Variants in ZNF839 observed in about 807,000 individuals in gnomAD.
ZNF839 encodes the protein renal carcinoma antigen NY-REN-50.
In ZNF839, 38 loss-of-function variants were observed where a neutral mutation model predicts 56.4. That is an observed-to-expected ratio of 0.67 (90% CI 0.52 to 0.88). The LOEUF (loss-of-function observed/expected upper bound fraction) is 0.88, where lower values mean the gene tolerates loss of function less well. Among genes scored for constraint, ZNF839 ranks in the 40% least tolerant of loss-of-function variants. The pLI, the probability that ZNF839 is intolerant of heterozygous loss-of-function variation, is 0.00. For missense variants in ZNF839, 1,091 were observed against 1,177.6 expected (o/e 0.93, Z 1.08); for synonymous variants, 486 against 493.5 (o/e 0.98, Z 0.20).
intron 5 of ZNF839, among the ~76,000 whole-genome samples, chr14:102,336,255 A>C (rs1271013735): frequency 6.7e-6 from 1 of 150,074 alleles, no homozygotes; most frequent in African/African-American, 2.4e-5. Flanking sequence ...TTCCTGTTCG[A>C]CCTCATTTTA....
chr14:102,333,103 G>T (rs2073861060), intron 3 of ZNF839, among the ~76,000 whole-genome samples: 1 of 152,076 alleles, frequency 6.6e-6, no homozygotes, highest in African/African-American at 2.4e-5. Flanking sequence ...TCTTTCAAAA[G>T]ATTTTTGAAA....
chr14:102,334,434 C>A (rs1481556860), intron 3 of ZNF839, 120 bp from the exon 4 acceptor site: 1 of 686,372 alleles, frequency 1.5e-6, no homozygotes, highest in Admixed American at 2.2e-5. Flanking sequence ...TTTAGAGTTA[C>A]TTGGTCACTG....
upstream of ZNF839, among the ~76,000 whole-genome samples, chr14:102,318,067 T>C (rs2072949215): frequency 6.6e-6 from 1 of 152,050 alleles, no homozygotes; most frequent in Admixed American, 6.6e-5. Flanking sequence ...GTGCCCAGGG[T>C]GTAGTAAAAG....
chr14:102,339,100 G>A lies in ZNF839; in HGVS notation c.1804G>A (p.Glu602Lys). The A allele has an allele frequency of 6.2e-7, 1 of 1,613,868 alleles. No homozygotes were observed. The highest frequency in any genetic ancestry group is 1.1e-5 in the South Asian group (1 of 91,050). ...TTGGGTCTTCTCTTCACAGGCTGCG[G>A]AGGAGGGACTGGCCTCAGTGAAAAG... ...SSEKREREAA[E>K]EGLASVKRPR... is the part of the protein sequence containing the mutation. Residue 602 changes from glutamate (E) to lysine (K), a missense_variant, in exon 7 of 8, where the codon GAG becomes AAG. Around this residue, in one of 3 missense-constraint regions of ZNF839, gnomAD observed 431 missense variants for 468.0 expected, o/e 0.92. Coordinates refer to ENST00000442396, the MANE Select transcript of ZNF839 (RefSeq NM_018335.6).
At position 102,341,925 on chromosome 14, in the gene ZNF839, T is replaced by C; in HGVS notation, c.2530T>C (p.Leu844=). ...GTGTCTCAGAAGCCTTTCGGGGGACTTGAACCGGTTCCCCTGTGGGATGGA... is the reference window on the plus strand; with the variant it reads ...GTGTCTCAGAAGCCTTTCGGGGGACCTGAACCGGTTCCCCTGTGGGATGGA... ...EGCLRSLSGD[L]NRFPCGMEVH... The change falls in exon 8 of 8, where the codon TTG becomes CTG. Residue 844 remains leucine, a synonymous_variant. Transcript: ENST00000442396. The C allele has an allele frequency of 1.2e-6, 2 of 1,614,030 alleles. No individual in the cohort carries two copies. The highest frequency in any genetic ancestry group is 1.7e-6 in the Non-Finnish European group (2 of 1,179,892).
At position 102,326,279 on chromosome 14, in the gene ZNF839, G is replaced by A. The variant is rs759707008; in HGVS notation, c.583G>A (p.Ala195Thr). 6.2e-7 allele frequency: 1 copy of A among 1,613,642 alleles called. No homozygotes were observed. The highest frequency in any genetic ancestry group is 2.2e-5 in the East Asian group (1 of 44,882). The change falls in exon 2 of 8, where the codon GCC (alanine) becomes ACC (threonine). Residue 195 changes from alanine (A) to threonine (T), a missense_variant. Around this residue, in one of 3 missense-constraint regions of ZNF839, gnomAD observed 614 missense variants for 629.2 expected, o/e 0.98. Coordinates refer to ENST00000442396, the MANE Select transcript of ZNF839 (RefSeq NM_018335.6). This position sits in a 1 kb window ranked among gnomAD's most constrained non-coding sequence, Gnocchi z 4.3. ...GGTGGTCCCTGCAAAGAGAGTCCCA[G>A]CCCCCAAGGCTCCAGATGAACAGGG... is the stretch of plus-strand genomic sequence containing the variant. The part of the protein sequence containing the change: ...LQVVPAKRVP[A>T]PKAPDEQGSM...
At chr14:102,321,578 G>A (rs2073130968) in intron 1 of ZNF839, among the ~76,000 whole-genome samples, 1 of 152,076 alleles carries the variant, frequency 6.6e-6, no homozygotes, top group African/African-American at 2.4e-5. Context: ...TACTCTTTCA[G>A]CCCCAGCTGT....
intron 7 of ZNF839, 153 bp downstream of exon 7, chr14:102,339,376 C>A: frequency 8.9e-7 from 1 of 1,119,604 alleles, no homozygotes; most frequent in Non-Finnish European, 1.2e-6. Context: ...TCCAGCCTCC[C>A]AGTGTTCTGT....
Position 102,341,684 on chromosome 14 carries a change from G to C in ZNF839, c.2289G>C (p.Gly763=), listed in dbSNP as rs1316968071. ...GGGAESLPPG[G]PGHAEAGHLG... ...GAGCAGAGTCCCTGCCGCCTGGGGG[G>C]CCTGGACATGCAGAGGCAGGACACC... The change falls in exon 8 of 8, where the codon GGG becomes GGC. Residue 763 remains glycine, a synonymous_variant. Coordinates refer to ENST00000442396, the MANE Select transcript of ZNF839 (RefSeq NM_018335.6). 1.2e-6 allele frequency: 2 copies of C among 1,613,974 alleles called. No homozygotes were observed. The highest frequency in any genetic ancestry group is 1.3e-5 in the African/African-American group (1 of 75,040).
rs773919810 is a variant in ZNF839 at position 102,326,831 on chromosome 14, T to C, written c.1135T>C (p.Cys379Arg). Residue 379 changes from cysteine (C) to arginine (R), a missense_variant, in exon 2 of 8, where the codon TGT (cysteine) becomes CGT (arginine). Cys to Arg is a radical substitution (Grantham distance 180, BLOSUM62 -3). Around this residue, in one of 3 missense-constraint regions of ZNF839, gnomAD observed 614 missense variants for 629.2 expected, o/e 0.98. Coordinates refer to ENST00000442396, the MANE Select transcript of ZNF839 (RefSeq NM_018335.6). This position sits in a 1 kb window ranked among gnomAD's most constrained non-coding sequence, Gnocchi z 4.3. ...GGGGCTGTCCATGCCAGCGGATCCA[T>C]GTGAGGGAGGGGCCCGCTCCTGCTT... ...SLGLSMPADP[C>R]EGGARSCLVT... 1 of 1,610,760 alleles carries C rather than the reference T, an allele frequency of 6.2e-7. No individual in the cohort carries two copies. The highest frequency in any genetic ancestry group is 1.1e-5 in the South Asian group (1 of 90,506).
chr14:102,341,305 G>A lies in ZNF839; in HGVS notation c.1928-18G>A. On this transcript the variant is annotated intron_variant, in intron 7 of 7. Coordinates refer to ENST00000442396, the MANE Select transcript of ZNF839 (RefSeq NM_018335.6). ...GACACAGTACACGCCATGTTCACCT[G>A]TTTCCCAAAATGTTTAGGTTTTTCC... The A allele has an allele frequency of 6.6e-7, 1 of 1,514,826 alleles. No individual in the cohort carries two copies. Among genetic ancestry groups the A allele is most frequent in the Non-Finnish European group, 8.8e-7 (1 of 1,132,038 alleles). 93.8% of individuals were successfully genotyped at this position (1,514,826 alleles called of 1,614,324 possible).
At chr14:102,336,299 T>C (rs1885695925) in intron 5 of ZNF839, among the ~76,000 whole-genome samples, 1 of 152,080 alleles carries the variant, frequency 6.6e-6, no homozygotes, top group Admixed American at 6.6e-5. Flanking sequence ...TTTTTTTTCT[T>C]TTTGTTTTTT....
intron 3 of ZNF839, among the ~76,000 whole-genome samples, chr14:102,333,270 T>C (rs2139546765): frequency 6.6e-6 from 1 of 150,694 alleles, no homozygotes; most frequent in African/African-American, 2.4e-5. Flanking sequence ...TCTTTTTTTT[T>C]TTTTTTTTTT....
At chr14:102,320,324 G>A (rs1341204392) in intron 1 of ZNF839, among the ~76,000 whole-genome samples, 1 of 152,200 alleles carries the variant, frequency 6.6e-6, no homozygotes, top group African/African-American at 2.4e-5. Context: ...GCCCTGCTGG[G>A]GGCTTTTGCG....
rs145520632 is a variant in ZNF839 at position 102,341,833 on chromosome 14, G to A, written c.2438G>A (p.Cys813Tyr). The change falls in exon 8 of 8, where the codon TGT becomes TAT. Residue 813 changes from cysteine (C) to tyrosine (Y), a missense_variant. Cys to Tyr is a radical substitution (Grantham distance 194). Transcript: ENST00000442396. ...ILSVDSVAVD[C>Y]AYRTVPKPGP... ...TCTGTGGATAGCGTGGCAGTGGACT[G>A]TGCCTACAGGACTGTGCCCAAGCCA... The A allele has an allele frequency of 1.2e-6, 2 of 1,614,040 alleles. No homozygotes were observed. The highest frequency in any genetic ancestry group is 1.7e-6 in the Non-Finnish European group (2 of 1,179,910).
In ZNF839 at chr14:102,331,634, G is replaced by A. The variant is rs1290727954; in HGVS notation, c.1204G>A (p.Val402Ile). 1.2e-6 allele frequency: 2 copies of A among 1,610,728 alleles called. No homozygotes were observed. The highest frequency in any genetic ancestry group is 3.4e-5 in the Admixed American group (2 of 59,468). The stretch of plus-strand genomic sequence containing the variant: ...CAACACTGTCTAGAATGGTCAGTCT[G>A]TAGACGTTGAAGAGACATTGCCATC... ...ARGGLQNGQS[V>I]DVEETLPSEP... is the part of the protein sequence containing the mutation. The change falls in exon 3 of 8, where the codon GTA becomes ATA. Residue 402 changes from valine (V) to isoleucine (I), a missense_variant. Val to Ile is a conservative substitution (Grantham distance 29). Coordinates refer to ENST00000442396, the MANE Select transcript of ZNF839 (RefSeq NM_018335.6).
intron 2 of ZNF839, among the ~76,000 whole-genome samples, chr14:102,328,665 C>T (rs1424012297): frequency 3.9e-5 from 6 of 151,912 alleles, no homozygotes; most frequent in Non-Finnish European, 8.8e-5. Context: ...CCCTTTTCCC[C>T]CAACCTTCGA....
intron 5 of ZNF839, among the ~76,000 whole-genome samples, chr14:102,336,401 T>G (rs1885710311): frequency 6.6e-6 from 1 of 151,880 alleles, no homozygotes; most frequent in Non-Finnish European, 1.5e-5. Context: ...TTCAAGCAAT[T>G]CTCCTGCCTC....
chr14:102,320,265 A>C (rs898854373), intron 1 of ZNF839, among the ~76,000 whole-genome samples: 1 of 152,090 alleles, frequency 6.6e-6, no homozygotes, highest in African/African-American at 2.4e-5. Context: ...GCGGTTGCTC[A>C]CGCTGGGCCC....
Sources: gnomAD v4.1 joint callset for allele counts (sites outside exome capture counted in the v4.1 genomes callset) on GRCh38, gnomAD v4.1.1 for gene constraint, gnomAD v4.1.1 regional missense constraint, Gnocchi (gnomAD v3.1) non-coding constraint, MANE v1.5 for transcripts, NCBI Gene and HGNC (gene_info 2026-07-23, HGNC 2026-07-21) for gene names.